Variants in RYR2 observed in about 807,000 individuals in gnomAD.
The protein encoded by RYR2 is ryanodine receptor 2.
RYR2 carries 227 observed loss-of-function variants against 601.1 expected under a neutral mutation model. The ratio of observed to expected loss-of-function variants is 0.38; its 90% confidence interval spans 0.34 to 0.42. RYR2 has a LOEUF of 0.42. Ranked by LOEUF, RYR2 falls within the 10% of genes least tolerant of loss-of-function variation. RYR2 has a pLI of 1.00. For synonymous variants in RYR2, 2,223 were observed against 2,175.1 expected, an observed-to-expected ratio of 1.02 and a Z score of -0.61; for missense variants, 4,646 against 6,156.5, an observed-to-expected ratio of 0.75 and a Z score of 8.21.
At chr1:237,787,290 T>G (rs1479325064) in intron 91 of RYR2, among the ~76,000 whole-genome samples, 1 of 152,056 alleles carries the variant, frequency 6.6e-6, no homozygotes, top group Non-Finnish European at 1.5e-5. Context: ...ATGTTAAAAA[T>G]TGTGCATTAA....
intron 76 of RYR2, among the ~76,000 whole-genome samples, chr1:237,728,828 A>G (rs1293288542): frequency 6.6e-6 from 1 of 152,026 alleles, no homozygotes; most frequent in Non-Finnish European, 1.5e-5. Flanking sequence ...CAAATACCTA[A>G]TGCATATGGG....
chr1:237,566,907 C>T (rs1672144752), intron 28 of RYR2, 132 bp downstream of exon 28: 3 of 931,836 alleles, frequency 3.2e-6, no homozygotes, highest in South Asian at 3.1e-5. Flanking sequence ...CACAGGAAAG[C>T]TTTTGTCCTC....
At chr1:237,523,165 AAGAGTACTT>A (rs1332679979) in intron 24 of RYR2, among the ~76,000 whole-genome samples, 1 of 152,210 alleles carries the variant, frequency 6.6e-6, no homozygotes, top group African/African-American at 2.4e-5. Flanking sequence ...GGATTGGGCA[AAGAGTACTT>A]AGATACAATA....
intron 2 of RYR2, among the ~76,000 whole-genome samples, chr1:237,311,492 T>G (rs1416801373): frequency 6.6e-6 from 1 of 152,028 alleles, no homozygotes; most frequent in Non-Finnish European, 1.5e-5. Context: ...CTTTTTTTTT[T>G]TTTTTGATAC....
chr1:237,550,023 T>C, intron 26 of RYR2, among the ~76,000 whole-genome samples: 1 of 151,316 alleles, frequency 6.6e-6, no homozygotes, highest in East Asian at 1.9e-4. Context: ...GCCCCTGGCA[T>C]TGCCGGGTTT....
In RYR2 at chr1:237,292,012, G is replaced by A. The variant is rs187428595; in HGVS notation, c.168+21396G>A. Among the ~76,000 whole-genome samples, 9 of 152,308 alleles carry A rather than the reference G, an allele frequency of 5.9e-5. 1 individual carries two copies. The South Asian group carries it at 8.3e-4, about 14-fold the overall frequency. On this transcript the variant is annotated intron_variant, in intron 2 of 104. Transcript: ENST00000366574. ...TGATAGTGGGGGAAGCCGTGCATGTGTAGGGGGCAGAGGTATATGGGAACT... is the reference window on the plus strand; with the variant it reads ...TGATAGTGGGGGAAGCCGTGCATGTATAGGGGGCAGAGGTATATGGGAACT...
Position 237,832,533 on chromosome 1 carries a change from A to C in RYR2, c.14809-19A>C. The C allele has an allele frequency of 6.5e-7, 1 of 1,549,696 alleles. No homozygotes were observed. Among genetic ancestry groups the C allele is most frequent in the Non-Finnish European group, 8.9e-7 (1 of 1,124,750 alleles). ...CACACTTTGGGGAAAATGTTAATAC[A>C]TTTCCTTGACTTTTGCAGGAATCTT... On this transcript the variant is annotated intron_variant, in intron 104 of 104. Coordinates refer to ENST00000366574, the MANE Select transcript of RYR2 (RefSeq NM_001035.3).
intron 1 of RYR2, among the ~76,000 whole-genome samples, chr1:237,058,648 G>C (rs2891825): frequency 0.025 from 3,873 of 152,222 alleles, 155 homozygotes; most frequent in African/African-American, 0.087. Flanking sequence ...GGGGCGTGGT[G>C]GCTCACACCT....
intron 1 of RYR2, among the ~76,000 whole-genome samples, chr1:237,266,201 G>A (rs995937278): frequency 7.2e-5 from 11 of 152,090 alleles, no homozygotes; most frequent in Admixed American, 2.6e-4. Context: ...AGACTAATTC[G>A]GAAGAGGCCT....
At chr1:237,430,945 A>G (rs1706745582) in intron 12 of RYR2, among the ~76,000 whole-genome samples, 1 of 152,160 alleles carries the variant, frequency 6.6e-6, no homozygotes, top group Admixed American at 6.5e-5. Context: ...GGAATTTGGC[A>G]ATTGTGTAAT....
At chr1:237,143,884 A>T (rs1673669885) in intron 1 of RYR2, among the ~76,000 whole-genome samples, 1 of 152,172 alleles carries the variant, frequency 6.6e-6, no homozygotes, top group Non-Finnish European at 1.5e-5. Context: ...ATATCCTAGC[A>T]CTTTGGGAGG....
At chr1:237,686,959 T>C (rs560589844) in intron 62 of RYR2, among the ~76,000 whole-genome samples, 2 of 152,132 alleles carry the variant, frequency 1.3e-5, no homozygotes, top group Non-Finnish European at 2.9e-5. Context: ...ACGAAGGAGA[T>C]TTCAAATAAT....
In RYR2 at chr1:237,503,452, A is replaced by T; in HGVS notation, c.2560A>T (p.Thr854Ser). ...TTACACACGCGACCTGCTGGGCCCCACAGTTTCCCTGACGCAAGCTGCCTT... is the reference window on the plus strand; with the variant it reads ...TTACACACGCGACCTGCTGGGCCCCTCAGTTTCCCTGACGCAAGCTGCCTT... ...RTYTRDLLGP[T>S]VSLTQAAFTP... The change falls in exon 22 of 105, where the codon ACA (threonine) becomes TCA (serine). Residue 854 changes from threonine to serine, a missense_variant. Around this residue, in one of 17 missense-constraint regions of RYR2, gnomAD observed 1,807 missense variants for 2,088.1 expected, o/e 0.87. Transcript: ENST00000366574. 6.2e-7 allele frequency: 1 copy of T among 1,613,970 alleles called. No homozygotes were observed. Among genetic ancestry groups the T allele is most frequent in the Non-Finnish European group, 8.5e-7 (1 of 1,179,884 alleles).
At position 237,405,766 on chromosome 1, in the gene RYR2, G is replaced by A. The variant is rs139559191; in HGVS notation, c.774-11283G>A. 7.1e-3 allele frequency among the ~76,000 whole-genome samples: 1,085 copies of A among 151,800 alleles called. 21 individuals are homozygous for A. The highest frequency in any genetic ancestry group is 0.025 in the African/African-American group (1,036 of 41,416). Reference sequence around the variant, plus strand: ...TCTCTTGCTGATGTCAATTTTAAGGGTGCACCTTCCTGTTTACTGTGATTT... The same window carrying A: ...TCTCTTGCTGATGTCAATTTTAAGGATGCACCTTCCTGTTTACTGTGATTT... On this transcript the variant is annotated intron_variant, in intron 10 of 104. Transcript: ENST00000366574.
intron 1 of RYR2, among the ~76,000 whole-genome samples, chr1:237,254,774 TCAC>T (rs1275478913): frequency 1.3e-5 from 2 of 152,204 alleles, no homozygotes; most frequent in Non-Finnish European, 2.9e-5. Flanking sequence ...ACATAATATC[TCAC>T]AGTTTGTAGA....
intron 5 of RYR2, among the ~76,000 whole-genome samples, chr1:237,369,114 C>A (rs192394495): frequency 1.2e-4 from 18 of 152,182 alleles, no homozygotes; most frequent in Admixed American, 1.0e-3. Context: ...TGAGCCACCA[C>A]GCCTGGCCTG....
At chr1:237,175,361 CT>C (rs1376738706) in intron 1 of RYR2, among the ~76,000 whole-genome samples, 1 of 152,086 alleles carries the variant, frequency 6.6e-6, no homozygotes, top group Non-Finnish European at 1.5e-5. Context: ...TTGGAACCTA[CT>C]GTTATAGATG....
At chr1:237,658,567 A>AT (rs991704609) in intron 54 of RYR2, among the ~76,000 whole-genome samples, 5 of 151,904 alleles carry the variant, frequency 3.3e-5, no homozygotes, top group African/African-American at 1.2e-4. Flanking sequence ...AATTGTTAAT[A>AT]TTTTTTATAG....
intron 1 of RYR2, among the ~76,000 whole-genome samples, chr1:237,056,250 GGAACACTGCATGTGTGAGGACTA>G (rs1662026511): frequency 6.8e-6 from 1 of 146,380 alleles, no homozygotes; most frequent in South Asian, 2.2e-4. Context: ...TGTGAGGACT[GGAACACTGCATGTGTGAGGACTA>G]GAGACTATAC....
Sources: gnomAD v4.1 joint callset for allele counts (sites outside exome capture counted in the v4.1 genomes callset) on GRCh38, gnomAD v4.1.1 for gene constraint, gnomAD v4.1.1 regional missense constraint, MANE v1.5 for transcripts, NCBI Gene and HGNC (gene_info 2026-07-23, HGNC 2026-07-21) for gene names.